The following HLA-DQA1 variants were observed in gnomAD, a reference collection of about 807,000 sequenced individuals.
The protein encoded by HLA-DQA1 is HLA class II histocompatibility antigen, DQ alpha 1 chain.
A neutral mutation model predicts 20.7 loss-of-function variants in HLA-DQA1; 10 were observed. The observed-to-expected ratio is 0.48, with a 90% CI of 0.30 to 0.82. The LOEUF is 0.82. HLA-DQA1 is among the 40% of genes least tolerant of loss of function. The pLI is 0.07. For synonymous variants in HLA-DQA1, 39 were observed against 109.2 expected (o/e 0.36, Z 4.01); for missense variants, 127 against 293.0 (o/e 0.43, Z 4.14).
Position 32,643,409 on chromosome 6 carries a change from G to A in HLA-DQA1, c.*478G>A. The A allele has an allele frequency of 4.0e-6, 1 of 248,392 alleles. No homozygotes were observed. The highest frequency in any genetic ancestry group is 4.0e-5 in the South Asian group (1 of 24,850). 15.4% of individuals were successfully genotyped at this position (248,392 alleles called of 1,614,324 possible). Reference sequence around the variant, plus strand: ...CACAGAAGCCACCAAGTACAGTATAGCCTGATAATATGTTGATTTCTTAGC... The same window carrying A: ...CACAGAAGCCACCAAGTACAGTATAACCTGATAATATGTTGATTTCTTAGC... On this transcript the variant is annotated 3_prime_UTR_variant, in exon 5 of 5. Transcript: ENST00000343139.
In HLA-DQA1 at chr6:32,641,305, A is replaced by G. The variant is rs759058217; in HGVS notation, c.83-5A>G. ...GCCTTCCTGCTTGTCATCTTCACTC[A>G]TCAGCTGACCACGTTGCCTCTTGTG... is the stretch of plus-strand genomic sequence containing the variant. On this transcript the variant is annotated splice_region_variant and splice_polypyrimidine_tract_variant and intron_variant, in intron 1 of 4. Transcript: ENST00000343139. The G allele has an allele frequency of 4.0e-6, 5 of 1,259,264 alleles. No homozygotes were observed. Among genetic ancestry groups the G allele is most frequent in the Non-Finnish European group, 5.5e-6 (5 of 908,084 alleles). 78.0% of individuals were successfully genotyped at this position (1,259,264 alleles called of 1,614,324 possible). A position where few individuals can be genotyped will look rare whatever the true frequency, so the allele number is the denominator to read the frequency against.
chr6:32,645,931 T>G (rs1398351226), downstream of HLA-DQA1: 2 of 125,876 alleles, frequency 1.6e-5, 1 homozygote, highest in East Asian at 4.9e-4. Context: ...ATGACCAGAG[T>G]CATGCAGAAA....
At chr6:32,653,537 A>T in the HLA-DQA1 span, among the ~76,000 whole-genome samples, 1 of 94,916 alleles carries the variant, frequency 1.1e-5, no homozygotes, top group Non-Finnish European at 2.3e-5. Flanking sequence ...CTGGGATTAC[A>T]GGCGTGAACC....
chr6:32,643,303 A>T lies in HLA-DQA1; in HGVS notation c.*372A>T. On this transcript the variant is annotated 3_prime_UTR_variant, in exon 5 of 5. Coordinates refer to ENST00000343139, the MANE Select transcript of HLA-DQA1 (RefSeq NM_002122.5). ...CCATCTTTCATCCAGGGCTGACTGAAACTATGGCTAATAATTGGGGTACTC... is the reference window on the plus strand; with the variant it reads ...CCATCTTTCATCCAGGGCTGACTGATACTATGGCTAATAATTGGGGTACTC... 1 of 297,528 alleles carries T rather than the reference A, an allele frequency of 3.4e-6. No homozygotes were observed. The highest frequency in any genetic ancestry group is 2.3e-5 in the African/African-American group (1 of 43,334). The allele number at this position is 297,528 out of a possible 1,614,324, so 18.4% of individuals were successfully genotyped here. A position where few individuals can be genotyped will look rare whatever the true frequency, so the allele number is the denominator to read the frequency against.
At chr6:32,652,956 G>T in the HLA-DQA1 span, among the ~76,000 whole-genome samples, 79,345 of 144,772 alleles carry the variant, frequency 0.55, 23,444 homozygotes, top group Middle Eastern at 0.7. Flanking sequence ...GCCTTTCAGA[G>T]TTGGCCCAAA....
At chr6:32,654,337 A>C in the HLA-DQA1 span, among the ~76,000 whole-genome samples, 2,103 of 113,936 alleles carry the variant, frequency 0.018, 393 homozygotes, top group South Asian at 0.2. Context: ...CAGGAGGAAT[A>C]AGTACTGGAG....
At chr6:32,641,221 T>C (rs34763586) in intron 1 of HLA-DQA1, 89 bp from the exon 2 acceptor site, 48,733 of 851,366 alleles carry the variant, frequency 0.057, 8,050 homozygotes, top group Admixed American at 0.2. Context: ...CCCATAATAT[T>C]TGAAAGTCAG....
At chr6:32,640,784 A>T (rs1781325924) in intron 1 of HLA-DQA1, among the ~76,000 whole-genome samples, 1 of 81,142 alleles carries the variant, frequency 1.2e-5, no homozygotes, top group Admixed American at 1.7e-4. Flanking sequence ...ATTATTTTAA[A>T]TTAATAAGAT....
the HLA-DQA1 span, among the ~76,000 whole-genome samples, chr6:32,652,569 A>AT: frequency 1.1e-5 from 1 of 94,322 alleles, no homozygotes; most frequent in South Asian, 3.2e-4. Flanking sequence ...AAAATGATGA[A>AT]CAATTTTTTC....
At chr6:32,640,848 T>C (rs1048791312) in intron 1 of HLA-DQA1, among the ~76,000 whole-genome samples, 24 of 111,794 alleles carry the variant, frequency 2.1e-4, no homozygotes, top group Non-Finnish European at 4.4e-4. Flanking sequence ...GTGTAGAGTG[T>C]CCTATTCTGA....
downstream of HLA-DQA1, among the ~76,000 whole-genome samples, chr6:32,647,504 A>C (rs1782009113): frequency 1.2e-5 from 1 of 85,784 alleles, no homozygotes; most frequent in African/African-American, 4.1e-5. Context: ...TCTTCTCTCT[A>C]CTACTGTACA....
At chr6:32,652,020 C>T (rs1201864424), downstream of HLA-DQA1, among the ~76,000 whole-genome samples, 1 of 94,814 alleles carries the variant, frequency 1.1e-5, no homozygotes, top group African/African-American at 3.6e-5. Flanking sequence ...CGGCCTGGCA[C>T]GGTGGCTCAC....
At chr6:32,640,573 G>A (rs36220784) in intron 1 of HLA-DQA1, among the ~76,000 whole-genome samples, 9,545 of 93,802 alleles carry the variant, frequency 0.1, 2,577 homozygotes, top group Admixed American at 0.14. Flanking sequence ...AAAAAAAAAG[G>A]TGGGGGGAAT....
rs9272534 is a variant in HLA-DQA1 at position 32,638,934 on chromosome 6, C to T, written c.82+1394C>T. 760 of 348,256 alleles carry T rather than the reference C, an allele frequency of 2.2e-3. 71 individuals are homozygous for T. The highest frequency in any genetic ancestry group is 4.5e-3 in the Admixed American group (133 of 29,588). The allele number at this position is 348,256 out of a possible 1,614,324, so 21.6% of individuals were successfully genotyped here. A position where few individuals can be genotyped will look rare whatever the true frequency, so the allele number is the denominator to read the frequency against. Reference sequence around the variant, plus strand: ...CAGGATCCATCTCTGACTCCCTGCTCCTTTATAGAGATGGACAGTGGGTTT... The same window carrying T: ...CAGGATCCATCTCTGACTCCCTGCTTCTTTATAGAGATGGACAGTGGGTTT... On this transcript the variant is annotated intron_variant, in intron 1 of 4. Transcript: ENST00000343139.
At chr6:32,641,039 A>G (rs9272669) in intron 1 of HLA-DQA1, among the ~76,000 whole-genome samples, 4,968 of 98,902 alleles carry the variant, frequency 0.05, 421 homozygotes, top group Middle Eastern at 0.19. Flanking sequence ...TCATAAGTCC[A>G]TGACATGCCA....
downstream of HLA-DQA1, among the ~76,000 whole-genome samples, chr6:32,647,288 C>T (rs1582016916): frequency 1.0e-5 from 1 of 96,956 alleles, no homozygotes; most frequent in Non-Finnish European, 2.3e-5. Flanking sequence ...GCCAACATGG[C>T]GAAACCCTGT....
intron 1 of HLA-DQA1, among the ~76,000 whole-genome samples, chr6:32,638,713 G>A (rs9272522): frequency 0.088 from 6,050 of 68,900 alleles, 771 homozygotes; most frequent in East Asian, 0.16. Context: ...AAGGAAGGAA[G>A]GAAGGAGAAG....
At chr6:32,645,858 T>TTGTGTGTGTGTGTGTGTG (rs9282055), downstream of HLA-DQA1, 3 of 67,516 alleles carry the variant, frequency 4.4e-5, no homozygotes, top group East Asian at 9.5e-4. Context: ...TTGTGTGCAT[T>TTGTGTGTGTGTGTGTGTG]TGTGTGTGTG....
chr6:32,653,598 A>C, the HLA-DQA1 span, among the ~76,000 whole-genome samples: 135 of 99,170 alleles, frequency 1.4e-3, 47 homozygotes, highest in Middle Eastern at 6.4e-3. Flanking sequence ...ATCTCTTTAA[A>C]AATTAAAAAT....
Sources: allele counts gnomAD v4.1 joint callset (sites outside exome capture counted in the v4.1 genomes callset), GRCh38; gene constraint gnomAD v4.1.1; transcripts MANE v1.5; gene names NCBI Gene and HGNC (gene_info 2026-07-23, HGNC 2026-07-21).